The following BTD variants were observed in gnomAD, a reference collection of about 807,000 sequenced individuals.
The protein encoded by BTD is biocytinase.
A neutral mutation model predicts 17.7 loss-of-function variants in BTD; 13 were observed. The observed-to-expected ratio is 0.74, with a 90% confidence interval of 0.48 to 1.17. The LOEUF is 1.17. Ranked by LOEUF, BTD falls within the 50% of genes most tolerant of loss-of-function variation. BTD has a pLI of 0.00. For synonymous variants in BTD, 240 were observed against 245.2 expected, an observed-to-expected ratio of 0.98 and a Z score of 0.20; for missense variants, 674 against 650.4, an observed-to-expected ratio of 1.04 and a Z score of -0.39.
chr3:15,689,964 G>GA (rs570570278), intron 3 of BTD: 5 of 1,399,686 alleles, frequency 3.6e-6, no homozygotes, highest in Non-Finnish European at 4.8e-6. Flanking sequence ...ATCAGAAATT[G>GA]AAAAAAAGTA....
Position 15,645,640 on chromosome 3 carries a change from T to A in BTD, c.*152T>A. ...TCCACCCTGGGAACTGTGGAAAAAG[T>A]AGGAGAGGCAGATTCCCTCAGTGTC... On this transcript the variant is annotated 3_prime_UTR_variant, in exon 4 of 4. Coordinates refer to ENST00000643237, the MANE Select transcript of BTD (RefSeq NM_001370658.1). 2.5e-6 allele frequency: 2 copies of A among 807,224 alleles called. No homozygotes were observed. Among genetic ancestry groups the A allele is most frequent in the Non-Finnish European group, 3.8e-6 (2 of 520,324 alleles). The allele number at this position is 807,224 out of a possible 1,614,324, so 50.0% of individuals were successfully genotyped here. A position where few individuals can be genotyped will look rare whatever the true frequency, so the allele number is the denominator to read the frequency against.
At chr3:15,631,795 C>T (rs774129695) in intron 1 of BTD, among the ~76,000 whole-genome samples, 3 of 152,198 alleles carry the variant, frequency 2.0e-5, no homozygotes, top group African/African-American at 7.2e-5. Context: ...TTGACTTCTG[C>T]GCTACGTGAA....
intron 3 of BTD, chr3:15,670,159 C>CTG: frequency 8.1e-7 from 1 of 1,234,990 alleles, no homozygotes; most frequent in South Asian, 1.6e-5. Context: ...CATTGGCTCA[C>CTG]TGTGGGATCT....
upstream of BTD, chr3:15,601,506 A>C (rs372127289): frequency 1.2e-6 from 2 of 1,609,798 alleles, no homozygotes; most frequent in African/African-American, 1.3e-5. Context: ...CCGGCAAACA[A>C]GCGGAATCAT....
At position 15,698,125 on chromosome 3, in the gene BTD, T is replaced by C. The variant is rs571786360; in HGVS notation, c.400-11935T>C. Among the ~76,000 whole-genome samples the C allele has an allele frequency of 5.9e-5, 9 of 152,286 alleles. 1 individual carries two copies. In the South Asian group the frequency reaches 6.2e-4, roughly 11 times the overall value. ...AATCTTCTCTTTTCTTCTTCATTAG[T>C]CTTGCTAGCGGTCTGTCTGATTATC... On this transcript the variant is annotated intron_variant, in intron 3 of 3. Coordinates refer to the BTD transcript ENST00000672141.
chr3:15,602,013 A>G, intron 1 of BTD, 119 bp downstream of exon 1: 4 of 1,517,314 alleles, frequency 2.6e-6, no homozygotes, highest in Admixed American at 2.2e-5. Flanking sequence ...GGGAGCTGGG[A>G]AGCCCGGCGC....
At chr3:15,722,184 G>C (rs535138376) in exon 5 of BTD, among the ~76,000 whole-genome samples, 1 of 152,152 alleles carries the variant, frequency 6.6e-6, no homozygotes, top group Non-Finnish European at 1.5e-5. Context: ...CCTGATAAAA[G>C]AGTCTCTATT....
intron 3 of BTD, among the ~76,000 whole-genome samples, chr3:15,703,424 G>A (rs2070906399): frequency 6.6e-6 from 1 of 152,218 alleles, no homozygotes; most frequent in Non-Finnish European, 1.5e-5. Flanking sequence ...CCTTTAGGAG[G>A]TGATTAGGTC....
chr3:15,610,789 T>A (rs1233644377), intron 1 of BTD, among the ~76,000 whole-genome samples: 1 of 152,160 alleles, frequency 6.6e-6, no homozygotes, highest in African/African-American at 2.4e-5. Flanking sequence ...ACCTTTAGAT[T>A]AAAAGAGATT....
chr3:15,648,927 C>G lies in BTD; in HGVS notation c.*3439C>G, dbSNP rs2065753562. On this transcript the variant is annotated 3_prime_UTR_variant, in exon 4 of 4. Transcript: ENST00000643237. ...GACAAGGCACACCAGAAATTGCTTGCCAACAAACACCAGAAATTAGAAGAG... is the reference window on the plus strand; with the variant it reads ...GACAAGGCACACCAGAAATTGCTTGGCAACAAACACCAGAAATTAGAAGAG... Among the ~76,000 whole-genome samples the G allele has an allele frequency of 6.6e-6, 1 of 152,204 alleles. No individual in the cohort carries two copies. The highest frequency in any genetic ancestry group is 2.1e-4 in the South Asian group (1 of 4,830).
At chr3:15,669,907 T>C (rs2066187689) in intron 3 of BTD, 1 of 169,986 alleles carries the variant, frequency 5.9e-6, no homozygotes, top group South Asian at 1.7e-4. Flanking sequence ...TGTAATTTTA[T>C]TGATAAAATT....
chr3:15,615,516 G>A (rs2064767106), intron 1 of BTD, among the ~76,000 whole-genome samples: 1 of 152,098 alleles, frequency 6.6e-6, no homozygotes, highest in African/African-American at 2.4e-5. Context: ...AAACCCCTTG[G>A]ATATCAAGAT....
downstream of BTD, among the ~76,000 whole-genome samples, chr3:15,717,085 G>A (rs2073162226): frequency 6.6e-6 from 1 of 152,176 alleles, no homozygotes; most frequent in African/African-American, 2.4e-5. Context: ...GTAGGCCCCA[G>A]GGTTAAGTGA....
chr3:15,712,300 C>T (rs545600059), exon 4 of BTD: 45 of 1,176,218 alleles, frequency 3.8e-5, no homozygotes, highest in Non-Finnish European at 5.5e-5. Flanking sequence ...TACAAAGAGA[C>T]CACTTAAGTG....
chr3:15,637,492 G>C (rs1406394236), intron 2 of BTD, among the ~76,000 whole-genome samples: 1 of 152,180 alleles, frequency 6.6e-6, no homozygotes, highest in Non-Finnish European at 1.5e-5. Context: ...TCACATTTAT[G>C]CTGTTAAATT....
At chr3:15,711,291 A>G in exon 4 of BTD, 6 of 1,587,040 alleles carry the variant, frequency 3.8e-6, no homozygotes, top group Non-Finnish European at 5.2e-6. Flanking sequence ...GAATGAATAC[A>G]TCTTATTTAT....
chr3:15,677,044 T>A (rs1363707298), intron 3 of BTD: 1 of 1,613,108 alleles, frequency 6.2e-7, no homozygotes, highest in African/African-American at 1.3e-5. Flanking sequence ...AACAAGGCAC[T>A]AGTTTCATGA....
At position 15,707,809 on chromosome 3, in the gene BTD, A is replaced by C. The variant is rs1372473111; in HGVS notation, c.400-2251A>C. 5.4e-6 allele frequency: 7 copies of C among 1,288,908 alleles called. No homozygotes were observed. The East Asian group carries it at 1.8e-4, about 32-fold the overall frequency. 79.8% of individuals were successfully genotyped at this position (1,288,908 alleles called of 1,614,324 possible). A position where few individuals can be genotyped will look rare whatever the true frequency, so the allele number is the denominator to read the frequency against. The stretch of plus-strand genomic sequence containing the variant: ...ATTTCCCAAAATAGACTTAGGGCAA[A>C]GATAATCAACAAAAAATACAAAGAG... On this transcript the variant is annotated intron_variant, in intron 3 of 3. Coordinates refer to the BTD transcript ENST00000672141.
chr3:15,679,528 C>T lies in BTD; in HGVS notation c.400-30532C>T. On this transcript the variant is annotated intron_variant, in intron 3 of 3. Transcript: ENST00000672141. The stretch of plus-strand genomic sequence containing the variant: ...TTTCCTTCCGTTTTCTGGAAAACTT[C>T]CTGTTCTAAAAGCAGTTCTACACAT... The T allele has an allele frequency of 3.1e-6, 5 of 1,613,264 alleles. No individual in the cohort carries two copies. The highest frequency in any genetic ancestry group is 4.2e-6 in the Non-Finnish European group (5 of 1,179,566).
Sources: allele counts gnomAD v4.1 joint callset (sites outside exome capture counted in the v4.1 genomes callset), GRCh38; gene constraint gnomAD v4.1.1; transcripts MANE v1.5; gene names NCBI Gene and HGNC (gene_info 2026-07-23, HGNC 2026-07-21).